Variants in GRIK4 observed in about 807,000 individuals in gnomAD.
The protein encoded by GRIK4 is glutamate receptor ionotropic, kainate 4.
Under a neutral mutation model 104.9 loss-of-function variants are expected in GRIK4, and 40 were observed. The ratio of observed to expected loss-of-function variants is 0.38; its 90% CI spans 0.30 to 0.50. The LOEUF (loss-of-function observed/expected upper bound fraction) is 0.50, where lower values mean the gene tolerates loss of function less well. Ranked by LOEUF, GRIK4 falls within the 20% of genes least tolerant of loss-of-function variation. GRIK4 has a pLI of 0.93. For synonymous variants in GRIK4, 485 were observed against 524.9 expected, an observed-to-expected ratio of 0.92 and a Z score of 1.04; for missense variants, 1,047 against 1,308.1, an observed-to-expected ratio of 0.80 and a Z score of 3.08.
chr11:120,834,263 G>GGTAGGTGT (rs377188856), intron 7 of GRIK4, among the ~76,000 whole-genome samples: 2 of 146,090 alleles, frequency 1.4e-5, no homozygotes, highest in East Asian at 4.1e-4. Context: ...ACACTTTATA[G>GGTAGGTGT]GTGTGTGTGT....
chr11:120,830,136 A>T (rs1283520979), intron 6 of GRIK4, among the ~76,000 whole-genome samples: 1 of 151,498 alleles, frequency 6.6e-6, no homozygotes, highest in Non-Finnish European at 1.5e-5. Context: ...AGCTGTCTCT[A>T]TCAGGCCAGT....
chr11:120,688,539 G>A (rs960918464), intron 3 of GRIK4, among the ~76,000 whole-genome samples: 9 of 152,174 alleles, frequency 5.9e-5, no homozygotes, highest in Non-Finnish European at 1.3e-4. Flanking sequence ...ACTGGGATGA[G>A]GAATGAGTGT....
intron 3 of GRIK4, among the ~76,000 whole-genome samples, chr11:120,718,488 T>C (rs1950876072): frequency 6.6e-6 from 1 of 152,176 alleles, no homozygotes; most frequent in Non-Finnish European, 1.5e-5. Context: ...CGCTGGATAA[T>C]AATGTGGTTC....
At chr11:120,712,737 G>T (rs1370911090) in intron 3 of GRIK4, among the ~76,000 whole-genome samples, 1 of 152,100 alleles carries the variant, frequency 6.6e-6, no homozygotes, top group Non-Finnish European at 1.5e-5. Flanking sequence ...ACTCCCTTCT[G>T]CTGGCCCCGG....
At chr11:120,633,046 A>T (rs1949350764) in intron 1 of GRIK4, among the ~76,000 whole-genome samples, 1 of 152,026 alleles carries the variant, frequency 6.6e-6, no homozygotes, top group Non-Finnish European at 1.5e-5. Flanking sequence ...AGATGATGGC[A>T]CCTTGGTCAT....
intron 13 of GRIK4, among the ~76,000 whole-genome samples, chr11:120,910,636 C>T (rs1479539559): frequency 6.6e-6 from 1 of 152,200 alleles, no homozygotes; most frequent in East Asian, 1.9e-4. Flanking sequence ...ATCCCAGGGG[C>T]CCTCTGTCTC....
chr11:120,875,409 G>T (rs1954756384), intron 11 of GRIK4, among the ~76,000 whole-genome samples, 166 bp downstream of exon 11: 1 of 152,118 alleles, frequency 6.6e-6, no homozygotes, highest in Non-Finnish European at 1.5e-5. Flanking sequence ...CCTGCCACCA[G>T]ATCAGCCATT....
chr11:120,929,006 T>TATGTGTGTGTGCGCAC (rs544483590), intron 13 of GRIK4, among the ~76,000 whole-genome samples: 1,506 of 140,044 alleles, frequency 0.011, 37 homozygotes, highest in African/African-American at 0.035. Flanking sequence ...TGCACGCGTG[T>TATGTGTGTGTGCGCAC]ATGTGTGTGT....
Position 120,911,278 on chromosome 11 carries a change from A to G in GRIK4, c.1476+5785A>G, listed in dbSNP as rs907030984. Among the ~76,000 whole-genome samples, 599 of 147,012 alleles carry G rather than the reference A, an allele frequency of 4.1e-3. 4 individuals carry two copies. Among genetic ancestry groups the G allele is most frequent in the African/African-American group, 0.014 (565 of 39,674 alleles). ...TTTTGAGACGGAGTTTCACTCTGTC[A>G]CCCAGGCTGGAGTGCAGTGGCGCGA... On this transcript the variant is annotated intron_variant, in intron 13 of 20. Coordinates refer to ENST00000527524, the MANE Select transcript of GRIK4 (RefSeq NM_014619.5).
At chr11:120,659,933 T>C (rs761760458) in intron 2 of GRIK4, among the ~76,000 whole-genome samples, 21 of 152,202 alleles carry the variant, frequency 1.4e-4, no homozygotes, top group African/African-American at 3.9e-4. Flanking sequence ...GGTTTTGCCA[T>C]GTTGGCCAGG....
chr11:120,974,751 C>T (rs1944533570), intron 19 of GRIK4, among the ~76,000 whole-genome samples: 1 of 152,178 alleles, frequency 6.6e-6, no homozygotes, highest in South Asian at 2.1e-4. Flanking sequence ...CTGCCTGTAG[C>T]TGGGTGGCTG....
chr11:120,757,654 T>C (rs1035270891), intron 3 of GRIK4, among the ~76,000 whole-genome samples: 1 of 152,144 alleles, frequency 6.6e-6, no homozygotes, highest in Non-Finnish European at 1.5e-5. Flanking sequence ...GATTTCAAAA[T>C]AGGGCTTGGG....
chr11:120,800,144 G>A (rs574187937), intron 3 of GRIK4, among the ~76,000 whole-genome samples: 4 of 152,104 alleles, frequency 2.6e-5, no homozygotes, highest in South Asian at 2.1e-4. Flanking sequence ...GTGAGTCACC[G>A]TGCCTGGCCC....
At chr11:120,637,688 T>A (rs2135194208) in intron 1 of GRIK4, among the ~76,000 whole-genome samples, 1 of 152,234 alleles carries the variant, frequency 6.6e-6, no homozygotes, top group East Asian at 1.9e-4. Context: ...AAGCTGAAGC[T>A]GGTTTAAATG....
At chr11:120,631,684 C>T (rs1462603438) in intron 1 of GRIK4, among the ~76,000 whole-genome samples, 1 of 152,136 alleles carries the variant, frequency 6.6e-6, no homozygotes, top group Non-Finnish European at 1.5e-5. Flanking sequence ...ATGACTCTTG[C>T]CTTGAACTCC....
chr11:120,727,658 C>G (rs1327523696), intron 3 of GRIK4, among the ~76,000 whole-genome samples: 1 of 151,674 alleles, frequency 6.6e-6, no homozygotes, highest in African/African-American at 2.4e-5. Flanking sequence ...TCACGATGAG[C>G]TCAAAAGCAT....
chr11:120,923,787 A>T (rs1278463703), intron 13 of GRIK4, among the ~76,000 whole-genome samples: 1 of 152,144 alleles, frequency 6.6e-6, no homozygotes. Flanking sequence ...CTCATGAGAA[A>T]GCAAGTTCAG....
chr11:120,926,954 G>C (rs987213586), intron 13 of GRIK4, among the ~76,000 whole-genome samples: 1 of 152,226 alleles, frequency 6.6e-6, no homozygotes, highest in Non-Finnish European at 1.5e-5. Flanking sequence ...AGTAGGGAAG[G>C]CTGCATTGAT....
intron 3 of GRIK4, among the ~76,000 whole-genome samples, chr11:120,782,467 A>T (rs922036110): frequency 6.6e-6 from 1 of 152,000 alleles, no homozygotes; most frequent in East Asian, 1.9e-4. Context: ...TTGTATTTTT[A>T]GTAGAGACGG....
Sources: gnomAD v4.1 joint callset for allele counts (sites outside exome capture counted in the v4.1 genomes callset) on GRCh38, gnomAD v4.1.1 for gene constraint, MANE v1.5 for transcripts, NCBI Gene and HGNC (gene_info 2026-07-23, HGNC 2026-07-21) for gene names.